Variants in TSPAN1 observed in about 807,000 individuals in gnomAD.
TSPAN1 encodes tetraspanin 1.
Under a neutral mutation model 26.9 loss-of-function variants are expected in TSPAN1, and 23 were observed. That is an observed-to-expected ratio of 0.85 (90% CI 0.62 to 1.21). The LOEUF is 1.21. Among genes scored for constraint, TSPAN1 ranks in the 50% most tolerant of loss-of-function variants. The pLI, the probability that TSPAN1 is intolerant of heterozygous loss-of-function variation, is 0.00. For synonymous variants in TSPAN1, 115 were observed against 114.8 expected, an observed-to-expected ratio of 1.00 and a Z score of -0.01; for missense variants, 283 against 298.4, an observed-to-expected ratio of 0.95 and a Z score of 0.38.
intron 1 of TSPAN1, among the ~76,000 whole-genome samples, chr1:46,179,159 TAA>T (rs533857551): frequency 1.4e-5 from 2 of 146,194 alleles, no homozygotes; most frequent in African/African-American, 5.0e-5. Flanking sequence ...CTCATCTGTT[TAA>T]AAAAAAAAAA....
chr1:46,184,527 G>GT, intron 4 of TSPAN1, 67 bp from the exon 5 acceptor site: 49 of 1,605,554 alleles, frequency 3.1e-5, no homozygotes, highest in Non-Finnish European at 4.0e-5. Flanking sequence ...TCCGGGGGGG[G>GT]GATTAGGGCA....
At position 46,184,794 on chromosome 1, in the gene TSPAN1, T is replaced by C. The variant is rs1315478281; in HGVS notation, c.349T>C (p.Phe117Leu). 6.2e-6 allele frequency: 10 copies of C among 1,614,086 alleles called. No individual in the cohort carries two copies. The Admixed American group carries it at 1.7e-4, about 27-fold the overall frequency. Residue 117 changes from phenylalanine to leucine, a missense_variant, in exon 6 of 9, where the codon TTC becomes CTC. Coordinates refer to ENST00000372003, the MANE Select transcript of TSPAN1 (RefSeq NM_005727.4). The part of the protein sequence containing the change: ...ALVYTTMAEH[F>L]LTLLVVPAIK... ...GGCCTGCCTCACCCAGGCTGAGCACTTCCTGACGTTGCTGGTAGTGCCTGC... is the reference window on the plus strand; with the variant it reads ...GGCCTGCCTCACCCAGGCTGAGCACCTCCTGACGTTGCTGGTAGTGCCTGC...
downstream of TSPAN1, chr1:46,189,248 C>T (rs374145749): frequency 2.9e-5 from 46 of 1,609,086 alleles, 1 homozygote; most frequent in South Asian, 4.3e-4. Context: ...GTACCCAGCC[C>T]CGCAGGGTCC....
chr1:46,189,204 T>C, downstream of TSPAN1: 1 of 1,562,050 alleles, frequency 6.4e-7, no homozygotes, highest in Non-Finnish European at 8.6e-7. Flanking sequence ...TCCTACAGGA[T>C]GGAGGGAAGG....
the TSPAN1 span, chr1:46,196,083 C>G: frequency 1.2e-6 from 2 of 1,613,974 alleles, no homozygotes; most frequent in African/African-American, 1.3e-5. This position sits in a 1 kb window ranked among gnomAD's most constrained non-coding sequence, Gnocchi z 4.4. Context: ...AGCACCTACA[C>G]AGTGGCAGAG....
intron 1 of TSPAN1, among the ~76,000 whole-genome samples, chr1:46,179,238 A>G (rs1017958841): frequency 6.6e-6 from 1 of 151,486 alleles, no homozygotes; most frequent in Admixed American, 6.6e-5. Context: ...ATTTGAGCTC[A>G]GGAGGTCAAG....
rs934712136 is a variant in TSPAN1 at position 46,175,935 on chromosome 1, C to T, written c.-142+526C>T. On this transcript the variant is annotated intron_variant, in intron 1 of 8. Coordinates refer to ENST00000372003, the MANE Select transcript of TSPAN1 (RefSeq NM_005727.4). ...TCACCCAGGCTGGAGTGCAGTGGCG[C>T]GATCTTGGCTCACTGCAACCTCTGC... is the stretch of plus-strand genomic sequence containing the variant. 26 of 479,714 alleles carry T rather than the reference C, an allele frequency of 5.4e-5. 1 individual carries two copies. Among genetic ancestry groups the T allele is most frequent in the East Asian group, 3.8e-4 (10 of 26,544 alleles). The allele number at this position is 479,714 out of a possible 1,614,324, so 29.7% of individuals were successfully genotyped here. A position where few individuals can be genotyped will look rare whatever the true frequency, so the allele number is the denominator to read the frequency against.
In TSPAN1 at chr1:46,184,513, CT is replaced by C; in HGVS notation, c.265-77del. 6.2e-6 allele frequency: 10 copies of C among 1,601,422 alleles called. No homozygotes were observed. The Middle Eastern group carries it at 5.2e-4, about 83-fold the overall frequency. On this transcript the variant is annotated intron_variant, in intron 4 of 8. Transcript: ENST00000372003. ...CCCCTAGGCTCAGGCTTCTGTCTCA[CT>C]TTTCCGGGGGGGGGATTAGGGCAAG...
chr1:46,189,575 G>C (rs907703268), downstream of TSPAN1: 17 of 1,607,320 alleles, frequency 1.1e-5, no homozygotes, highest in Middle Eastern at 1.6e-4. Flanking sequence ...GCACTAGTGA[G>C]GGTGGGATGG....
intron 3 of TSPAN1, 47 bp downstream of exon 3, chr1:46,181,211 G>T (rs752126916): frequency 2.5e-6 from 4 of 1,571,144 alleles, no homozygotes; most frequent in South Asian, 1.1e-5. Context: ...ATAGGAGCAG[G>T]TCACAAGCTG....
At chr1:46,181,247 A>T in intron 3 of TSPAN1, 83 bp downstream of exon 3, 1 of 1,376,044 alleles carries the variant, frequency 7.3e-7, no homozygotes, top group East Asian at 2.4e-5. Context: ...GGGGAATGGG[A>T]GACTGCTATG....
At chr1:46,189,818 G>A, downstream of TSPAN1, 1 of 1,612,830 alleles carries the variant, frequency 6.2e-7, no homozygotes. Context: ...GTGTGAGGGG[G>A]AGGGGTTCTC....
chr1:46,188,785 C>G (rs1401489757), downstream of TSPAN1: 3 of 1,612,786 alleles, frequency 1.9e-6, no homozygotes, highest in Non-Finnish European at 2.5e-6. Context: ...GTCTAAGGGT[C>G]TCTGAGTGAG....
chr1:46,194,558 G>T, the TSPAN1 span: 1 of 1,614,158 alleles, frequency 6.2e-7, no homozygotes, highest in Middle Eastern at 1.6e-4. Flanking sequence ...TCCACCTTCT[G>T]CTGAGCTCAA....
At chr1:46,177,961 T>C (rs554203572) in intron 1 of TSPAN1, among the ~76,000 whole-genome samples, 1 of 152,240 alleles carries the variant, frequency 6.6e-6, no homozygotes, top group Non-Finnish European at 1.5e-5. Context: ...ACTCTCATTA[T>C]TCTGCACTCA....
chr1:46,192,790 T>C, the TSPAN1 span: 11 of 1,589,222 alleles, frequency 6.9e-6, no homozygotes, highest in South Asian at 8.9e-5. Flanking sequence ...TTGCCCAGGC[T>C]TCGCCCCCAC....
At chr1:46,184,454 CA>C (rs1657380960) in intron 4 of TSPAN1, 57 bp downstream of exon 4, 2 of 1,611,186 alleles carry the variant, frequency 1.2e-6, no homozygotes, top group Admixed American at 3.3e-5. Context: ...CCCTTGACAC[CA>C]GGCCCTGGGA....
At chr1:46,195,178 G>A in the TSPAN1 span, among the ~76,000 whole-genome samples, 3 of 152,000 alleles carry the variant, frequency 2.0e-5, no homozygotes, top group African/African-American at 4.8e-5. Context: ...AAACCCACAC[G>A]ATCTGCACCT....
downstream of TSPAN1, among the ~76,000 whole-genome samples, chr1:46,188,263 C>T (rs1354755008): frequency 6.6e-6 from 1 of 152,214 alleles, no homozygotes; most frequent in Non-Finnish European, 1.5e-5. Flanking sequence ...TTGAATGATG[C>T]CTGCCCAGTC....
Sources: allele counts gnomAD v4.1 joint callset (sites outside exome capture counted in the v4.1 genomes callset), GRCh38; gene constraint gnomAD v4.1.1; non-coding constraint Gnocchi (gnomAD v3.1); transcripts MANE v1.5; gene names NCBI Gene and HGNC (gene_info 2026-07-23, HGNC 2026-07-21).